SLC18A2: variants seen among roughly 807,000 people sequenced by gnomAD.
The protein encoded by SLC18A2 is solute carrier family 18 member A2.
SLC18A2 carries 33 observed loss-of-function variants against 59.2 expected under a neutral mutation model. The ratio of observed to expected loss-of-function variants is 0.56; its 90% CI spans 0.42 to 0.75. The LOEUF (loss-of-function observed/expected upper bound fraction) is 0.75. Ranked by LOEUF, SLC18A2 falls within the 30% of genes least tolerant of loss-of-function variation. SLC18A2 has a pLI of 0.00. For missense variants in SLC18A2, 569 were observed against 668.6 expected (o/e 0.85, Z 1.64); for synonymous variants, 228 against 253.5 (o/e 0.90, Z 0.95).
intron 15 of SLC18A2, among the ~76,000 whole-genome samples, chr10:117,271,411 A>G (rs149824547): frequency 9.8e-5 from 15 of 152,324 alleles, no homozygotes; most frequent in African/African-American, 3.6e-4. Context: ...CTTTTCCCCA[A>G]AAGGAGATTT....
intron 10 of SLC18A2, among the ~76,000 whole-genome samples, chr10:117,263,626 A>G (rs2133739813): frequency 6.6e-6 from 1 of 152,280 alleles, no homozygotes; most frequent in South Asian, 2.1e-4. Flanking sequence ...TGGAGAAAGA[A>G]TGATTTCATG....
intron 2 of SLC18A2, chr10:117,242,041 A>G: frequency 4.3e-6 from 2 of 460,294 alleles, no homozygotes; most frequent in South Asian, 6.4e-5. Flanking sequence ...GTGACATCCG[A>G]TAAGACCCAG....
At chr10:117,249,361 G>A (rs1275943835) in intron 3 of SLC18A2, among the ~76,000 whole-genome samples, 1 of 152,220 alleles carries the variant, frequency 6.6e-6, no homozygotes, top group Non-Finnish European at 1.5e-5. Flanking sequence ...GGAATTCTCT[G>A]GTAGCTGAAA....
At position 117,269,696 on chromosome 10, in the gene SLC18A2, C is replaced by A. The variant is rs1337681680; in HGVS notation, c.1187-375C>A. ...CCCTCCCCTCCACATGTGTCAGTGG[C>A]AGGCACATGAGGAAAGTTTCTTTCA... is the stretch of plus-strand genomic sequence containing the variant. On this transcript the variant is annotated intron_variant, in intron 13 of 15. Transcript: ENST00000644641. This position sits in a 1 kb window ranked among gnomAD's most constrained non-coding sequence, Gnocchi z 5.1. Among the ~76,000 whole-genome samples, 2 of 152,192 alleles carry A rather than the reference C, an allele frequency of 1.3e-5. No individual in the cohort carries two copies. Among genetic ancestry groups the A allele is most frequent in the African/African-American group, 4.8e-5 (2 of 41,454 alleles).
At chr10:117,272,601 G>A (rs1360284516) in intron 15 of SLC18A2, among the ~76,000 whole-genome samples, 2 of 152,188 alleles carry the variant, frequency 1.3e-5, no homozygotes, top group South Asian at 2.1e-4. Flanking sequence ...TGGAAGAGAC[G>A]ATCCTGAAAG....
rs1319576360 is a variant in SLC18A2 at position 117,241,706 on chromosome 10, G to A, written c.13G>A (p.Glu5Lys). 7 of 1,598,634 alleles carry A rather than the reference G, an allele frequency of 4.4e-6. No homozygotes were observed. Among genetic ancestry groups the A allele is most frequent in the Non-Finnish European group, 6.0e-6 (7 of 1,174,124 alleles). MALS[E>K]LALVRWLQES... ...GAGCCCCGGAGCCATGGCCCTGAGC[G>A]AGCTGGCGCTGGTCCGCTGGCTGCA... is the stretch of plus-strand genomic sequence containing the variant. The change falls in exon 2 of 16, where the codon GAG becomes AAG. Residue 5 changes from glutamate to lysine, a missense_variant. Glu to Lys is a moderately conservative substitution (Grantham distance 56). This residue lies in a region of SLC18A2 where 377 missense variants were observed against 389.8 expected (regional missense o/e 0.97). Coordinates refer to ENST00000644641, the MANE Select transcript of SLC18A2 (RefSeq NM_003054.6).
In SLC18A2 at chr10:117,255,350, G is replaced by A. The variant is rs775516425; in HGVS notation, c.774G>A (p.Leu258=). The A allele has an allele frequency of 2.5e-6, 4 of 1,614,140 alleles. No homozygotes were observed. Among genetic ancestry groups the A allele is most frequent in the African/African-American group, 2.7e-5 (2 of 74,952 alleles). The change falls in exon 7 of 16, where the codon CTG becomes CTA. Residue 258 remains leucine, a synonymous_variant. Coordinates refer to ENST00000644641, the MANE Select transcript of SLC18A2 (RefSeq NM_003054.6). ...KTAPFLVLAA[L]VLLDGAIQLF... is the part of the protein sequence containing the mutation. ...CTCCGTTCCTGGTGCTGGCCGCCCTGGTACTCTTGGATGGAGGTGAGTGAG... is the reference window on the plus strand; with the variant it reads ...CTCCGTTCCTGGTGCTGGCCGCCCTAGTACTCTTGGATGGAGGTGAGTGAG...
chr10:117,245,720 C>T (rs547643864), intron 3 of SLC18A2, among the ~76,000 whole-genome samples: 19 of 152,042 alleles, frequency 1.2e-4, no homozygotes, highest in Non-Finnish European at 2.4e-4. Flanking sequence ...TTAGGGGCAC[C>T]GAGAGGTGAG....
intron 10 of SLC18A2, among the ~76,000 whole-genome samples, chr10:117,266,110 A>AT (rs1455513339): frequency 2.0e-5 from 3 of 151,542 alleles, no homozygotes; most frequent in Non-Finnish European, 4.4e-5. Flanking sequence ...AAAAAAAAAA[A>AT]ATCTGACTTG....
intron 15 of SLC18A2, among the ~76,000 whole-genome samples, chr10:117,276,613 CA>C (rs1161850365): frequency 2.1e-5 from 1 of 46,740 alleles, no homozygotes; most frequent in African/African-American, 9.4e-5. Context: ...GACTTCATCT[CA>C]AAAAAAAAAA....
intron 13 of SLC18A2, among the ~76,000 whole-genome samples, chr10:117,268,983 CAT>C (rs970943078): frequency 1.5e-3 from 78 of 51,300 alleles, no homozygotes; most frequent in East Asian, 3.1e-3. Flanking sequence ...CAAACACACA[CAT>C]TCATACACAC....
chr10:117,265,993 G>A (rs575638847), intron 10 of SLC18A2, among the ~76,000 whole-genome samples: 1 of 151,738 alleles, frequency 6.6e-6, no homozygotes, highest in Admixed American at 6.6e-5. Flanking sequence ...GGGAGGCTGA[G>A]GCAAGAGAAT....
At chr10:117,246,678 A>G (rs1436597170) in intron 3 of SLC18A2, among the ~76,000 whole-genome samples, 3 of 151,738 alleles carry the variant, frequency 2.0e-5, no homozygotes, top group Non-Finnish European at 4.4e-5. Context: ...TTTGAGATAG[A>G]GTCTTGCTCT....
chr10:117,254,778 C>T (rs1198611060), intron 6 of SLC18A2, among the ~76,000 whole-genome samples: 5 of 152,188 alleles, frequency 3.3e-5, no homozygotes, highest in South Asian at 2.1e-4. Flanking sequence ...ACCCTTTCCT[C>T]GGGAACATTC....
intron 15 of SLC18A2, among the ~76,000 whole-genome samples, chr10:117,276,805 T>C (rs538798601): frequency 1.3e-5 from 2 of 152,172 alleles, no homozygotes; most frequent in African/African-American, 4.8e-5. Flanking sequence ...TAAACAGAAG[T>C]TGGACTGGGT....
At chr10:117,273,567 G>A (rs1406325652) in intron 15 of SLC18A2, among the ~76,000 whole-genome samples, 6 of 152,140 alleles carry the variant, frequency 3.9e-5, no homozygotes, top group Admixed American at 2.6e-4. Context: ...GATGCCATGC[G>A]TGGGGCAAGG....
Position 117,241,721 on chromosome 10 carries a change from C to T in SLC18A2, c.28C>T (p.Arg10Cys). 6.2e-7 allele frequency: 1 copy of T among 1,604,898 alleles called. No individual in the cohort carries two copies. The highest frequency in any genetic ancestry group is 8.5e-7 in the Non-Finnish European group (1 of 1,176,876). The change falls in exon 2 of 16, where the codon CGC becomes TGC. Residue 10 changes from arginine (R) to cysteine (C), a missense_variant. Coordinates refer to ENST00000644641, the MANE Select transcript of SLC18A2 (RefSeq NM_003054.6). MALSELALV[R>C]WLQESRRSRK... ...GGCCCTGAGCGAGCTGGCGCTGGTCCGCTGGCTGCAGGAGAGCCGCCGCTC... is the reference window on the plus strand; with the variant it reads ...GGCCCTGAGCGAGCTGGCGCTGGTCTGCTGGCTGCAGGAGAGCCGCCGCTC...
intron 2 of SLC18A2, chr10:117,242,054 C>T: frequency 2.6e-6 from 1 of 391,420 alleles, no homozygotes; most frequent in East Asian, 4.2e-5. Flanking sequence ...AGACCCAGAA[C>T]TTATGTTTCC....
intron 15 of SLC18A2, among the ~76,000 whole-genome samples, chr10:117,273,590 G>A (rs1005314938): frequency 6.6e-6 from 1 of 152,156 alleles, no homozygotes; most frequent in Non-Finnish European, 1.5e-5. Context: ...GGGGTGGCCC[G>A]AGGCTGCTGA....
Sources: allele counts gnomAD v4.1 joint callset (sites outside exome capture counted in the v4.1 genomes callset), GRCh38; gene constraint gnomAD v4.1.1; regional missense constraint gnomAD v4.1.1; non-coding constraint Gnocchi (gnomAD v3.1); transcripts MANE v1.5; gene names NCBI Gene and HGNC (gene_info 2026-07-23, HGNC 2026-07-21).